UCK2: variants seen among roughly 807,000 people sequenced by gnomAD.
UCK2 encodes the protein uridine-cytidine kinase 2.
UCK2 carries 6 observed loss-of-function variants against 30.8 expected under a neutral mutation model. That is an observed-to-expected ratio of 0.19 (90% confidence interval 0.11 to 0.38). The LOEUF (loss-of-function observed/expected upper bound fraction) is 0.38. UCK2 is among the 10% of genes least tolerant of loss of function. The probability of loss-of-function intolerance (pLI) is 1.00; values close to 1 mark genes in which losing one functional copy is unlikely to be tolerated. For synonymous variants in UCK2, 125 were observed against 133.6 expected, an observed-to-expected ratio of 0.94 and a Z score of 0.45; for missense variants, 210 against 339.8, an observed-to-expected ratio of 0.62 and a Z score of 3.00.
intron 5 of UCK2, among the ~76,000 whole-genome samples, 199 bp from the exon 6 acceptor site, chr1:165,905,722 T>C (rs1275549460): frequency 1.3e-5 from 2 of 152,176 alleles, no homozygotes; most frequent in Non-Finnish European, 2.9e-5. Context: ...AACAAGGCAC[T>C]TCCTTAGGTT....
Position 165,911,227 on chromosome 1 carries a change from G to C in UCK2, c.*3404G>C, listed in dbSNP as rs1391778521. 2.0e-5 allele frequency: 3 copies of C among 152,274 alleles called. No homozygotes were observed. Among genetic ancestry groups the C allele is most frequent in the African/African-American group, 7.2e-5 (3 of 41,446 alleles). 9.4% of individuals were successfully genotyped at this position (152,274 alleles called of 1,614,324 possible). On this transcript the variant is annotated 3_prime_UTR_variant, in exon 7 of 7. Transcript: ENST00000367879. ...TCTGGAAGGGACTGCCTGTACTTCT[G>C]TACCACCGTTGCCCTTTACACTTTG...
intron 1 of UCK2, among the ~76,000 whole-genome samples, chr1:165,877,919 C>G (rs1296357067): frequency 1.3e-5 from 2 of 152,158 alleles, no homozygotes; most frequent in African/African-American, 4.8e-5. Flanking sequence ...ACAACCTCCC[C>G]TATTATCAAC....
intron 1 of UCK2, among the ~76,000 whole-genome samples, chr1:165,828,168 G>C (rs1653942643): frequency 6.6e-6 from 1 of 152,034 alleles, no homozygotes; most frequent in South Asian, 2.1e-4. Context: ...ATCGCAGGGC[G>C]GGAGTGCTCC....
At chr1:165,882,954 A>G (rs989533052) in intron 1 of UCK2, among the ~76,000 whole-genome samples, 2 of 152,032 alleles carry the variant, frequency 1.3e-5, no homozygotes, top group Middle Eastern at 3.2e-3. Context: ...CCTCCCAAGT[A>G]GCTGGGACTA....
chr1:165,888,416 C>G (rs928391547), intron 1 of UCK2, among the ~76,000 whole-genome samples: 1 of 151,918 alleles, frequency 6.6e-6, no homozygotes, highest in Non-Finnish European at 1.5e-5. Flanking sequence ...CTCAGCCTCC[C>G]GAGTAGCTGG....
intron 4 of UCK2, chr1:165,900,624 A>T (rs1159181463): frequency 6.6e-6 from 1 of 152,074 alleles, no homozygotes; most frequent in Non-Finnish European, 1.5e-5. Context: ...AAGCCACCAG[A>T]TCTACAGAAG....
intron 1 of UCK2, among the ~76,000 whole-genome samples, chr1:165,878,599 C>T (rs1402722908): frequency 1.3e-5 from 2 of 152,182 alleles, no homozygotes; most frequent in South Asian, 4.1e-4. Flanking sequence ...CCACCTTGGC[C>T]TCCCAAAGTG....
chr1:165,910,193 C>G lies in UCK2; in HGVS notation c.*2370C>G, dbSNP rs1647806491. The G allele has an allele frequency of 6.6e-6, 1 of 152,264 alleles. No homozygotes were observed. Among genetic ancestry groups the G allele is most frequent in the Non-Finnish European group, 1.5e-5 (1 of 68,078 alleles). 9.4% of individuals were successfully genotyped at this position (152,264 alleles called of 1,614,324 possible). A position where few individuals can be genotyped will look rare whatever the true frequency, so the allele number is the denominator to read the frequency against. On this transcript the variant is annotated 3_prime_UTR_variant, in exon 7 of 7. Transcript: ENST00000367879. Reference sequence around the variant, plus strand: ...TGGAACAAGGAAGGGATGGAAGGCTCTACCCCTCCGTGGCAGCCCAGCATT... The same window carrying G: ...TGGAACAAGGAAGGGATGGAAGGCTGTACCCCTCCGTGGCAGCCCAGCATT...
intron 1 of UCK2, among the ~76,000 whole-genome samples, chr1:165,856,756 G>A (rs571654237): frequency 2.0e-5 from 3 of 152,198 alleles, no homozygotes; most frequent in African/African-American, 7.2e-5. Flanking sequence ...GTGGGAGCTG[G>A]AAAGCTTTAA....
At chr1:165,902,064 A>G (rs1399597538) in intron 4 of UCK2, among the ~76,000 whole-genome samples, 1 of 151,650 alleles carries the variant, frequency 6.6e-6, no homozygotes, top group Non-Finnish European at 1.5e-5. Flanking sequence ...TGAAACCCCC[A>G]TCTCTACTAA....
intron 1 of UCK2, among the ~76,000 whole-genome samples, chr1:165,849,316 T>C (rs566116002): frequency 8.6e-4 from 131 of 152,296 alleles, no homozygotes; most frequent in African/African-American, 3.1e-3. Context: ...GGAGAGCTTC[T>C]GTTCTGAGAA....
chr1:165,837,648 A>C (rs751626096), intron 1 of UCK2, among the ~76,000 whole-genome samples: 2 of 152,114 alleles, frequency 1.3e-5, no homozygotes, highest in African/African-American at 4.8e-5. Flanking sequence ...TGTTTAGTCT[A>C]TCTTCTCTAG....
chr1:165,893,531 T>C (rs1198725562), intron 3 of UCK2, among the ~76,000 whole-genome samples: 2 of 152,220 alleles, frequency 1.3e-5, no homozygotes, highest in Admixed American at 6.5e-5. Flanking sequence ...TTTGTTGGGC[T>C]AAAATGAAGA....
At chr1:165,877,935 C>G (rs1655380036) in intron 1 of UCK2, among the ~76,000 whole-genome samples, 1 of 152,158 alleles carries the variant, frequency 6.6e-6, no homozygotes, top group Admixed American at 6.5e-5. Flanking sequence ...TCAACACCCC[C>G]CATCAGAGAG....
chr1:165,830,419 G>A (rs373945968), intron 1 of UCK2, among the ~76,000 whole-genome samples: 9 of 152,036 alleles, frequency 5.9e-5, no homozygotes, highest in African/African-American at 2.2e-4. Context: ...CCGCCTCCCG[G>A]GTTCATGCCA....
intron 5 of UCK2, chr1:165,904,139 G>A (rs979590404): frequency 2.6e-5 from 4 of 152,146 alleles, no homozygotes; most frequent in African/African-American, 9.7e-5. Flanking sequence ...TGGGAAGGCT[G>A]GAATCTCTGA....
intron 1 of UCK2, among the ~76,000 whole-genome samples, chr1:165,887,092 T>C (rs926078137): frequency 6.6e-6 from 1 of 152,222 alleles, no homozygotes; most frequent in Non-Finnish European, 1.5e-5. Flanking sequence ...ATTACTTAAC[T>C]TGGTTTCCTC....
At position 165,827,671 on chromosome 1, in the gene UCK2, A is replaced by T. The variant is rs961407294; in HGVS notation, c.-163A>T. ...GGCTCTTGGCTCCTTCGGGAAACCC[A>T]GCCCCGTCACCGGGCTCCGAGCGGC... On this transcript the variant is annotated 5_prime_UTR_variant, in exon 1 of 7. Coordinates refer to ENST00000367879, the MANE Select transcript of UCK2 (RefSeq NM_012474.5). 2.1e-5 allele frequency: 11 copies of T among 521,646 alleles called. No individual in the cohort carries two copies. The highest frequency in any genetic ancestry group is 3.3e-5 in the Non-Finnish European group (11 of 336,588). The allele number at this position is 521,646 out of a possible 1,614,324, so 32.3% of individuals were successfully genotyped here.
chr1:165,839,965 G>T (rs1254418991), intron 1 of UCK2, among the ~76,000 whole-genome samples: 3 of 152,102 alleles, frequency 2.0e-5, no homozygotes, highest in African/African-American at 7.2e-5. Flanking sequence ...CTGCTGTGCT[G>T]CCCAGGCTGG....
Sources: gnomAD v4.1 joint callset for allele counts (sites outside exome capture counted in the v4.1 genomes callset) on GRCh38, gnomAD v4.1.1 for gene constraint, MANE v1.5 for transcripts, NCBI Gene and HGNC (gene_info 2026-07-23, HGNC 2026-07-21) for gene names.